Variants in TENT4A observed in about 807,000 individuals in gnomAD.
TENT4A encodes DNA polymerase kappa.
TENT4A carries 7 observed loss-of-function variants against 72.8 expected under a neutral mutation model. That is an observed-to-expected ratio of 0.10 (90% confidence interval 0.05 to 0.18). The LOEUF (loss-of-function observed/expected upper bound fraction) is 0.18. Ranked by LOEUF, TENT4A falls within the 10% of genes least tolerant of loss-of-function variation. The pLI is 1.00. For missense variants in TENT4A, 831 were observed against 1,017.7 expected (o/e 0.82, Z 2.50); for synonymous variants, 456 against 434.3 (o/e 1.05, Z -0.62).
intron 1 of TENT4A, among the ~76,000 whole-genome samples, chr5:6,717,525 C>T (rs1419745050): frequency 6.6e-6 from 1 of 152,246 alleles, no homozygotes; most frequent in Non-Finnish European, 1.5e-5. Context: ...GCCAGTCTGC[C>T]TTCTGCTTCA....
chr5:6,729,980 A>G (rs1741122420), intron 1 of TENT4A, among the ~76,000 whole-genome samples: 1 of 152,122 alleles, frequency 6.6e-6, no homozygotes, highest in Non-Finnish European at 1.5e-5. Flanking sequence ...CTTAGAACCA[A>G]TGCAGATTCC....
At chr5:6,717,405 G>T (rs1740442246) in intron 1 of TENT4A, among the ~76,000 whole-genome samples, 1 of 152,242 alleles carries the variant, frequency 6.6e-6, no homozygotes, top group South Asian at 2.1e-4. Context: ...GCTGAACCCA[G>T]TTGGGTCTTT....
In TENT4A at chr5:6,749,577, A is replaced by G. The variant is rs764081039; in HGVS notation, c.1607A>G (p.Lys536Arg). ...TGCAGTACTTTAGGAAGAATCATCAAAGTAACTCAGGAGGTGATTGACTAC... is the reference window on the plus strand; with the variant it reads ...TGCAGTACTTTAGGAAGAATCATCAGAGTAACTCAGGAGGTGATTGACTAC... ...DAESTLGRII[K>R]VTQEVIDYRR... The change falls in exon 9 of 13, where the codon AAA becomes AGA. Residue 536 changes from lysine (K) to arginine (R), a missense_variant. Physicochemically the swap from Lys to Arg is conservative, Grantham distance 26. This residue lies in a region of TENT4A where 197 missense variants were observed against 399.6 expected (regional missense o/e 0.49). Transcript: ENST00000230859. 2.7e-5 allele frequency: 44 copies of G among 1,612,994 alleles called. No homozygotes were observed. The highest frequency in any genetic ancestry group is 1.7e-5 in the Admixed American group (1 of 59,990).
chr5:6,746,471 C>T lies in TENT4A; in HGVS notation c.1459+44C>T, dbSNP rs767245905. ...CCACTGCTGAGAGCTGGGCCAGCCT[C>T]GGGGACGTGCTGGTGACAGGGCCTG... On this transcript the variant is annotated intron_variant, in intron 7 of 12. Coordinates refer to ENST00000230859, the MANE Select transcript of TENT4A (RefSeq NM_006999.6). 35 of 1,580,886 alleles carry T rather than the reference C, an allele frequency of 2.2e-5. No individual in the cohort carries two copies. In the Middle Eastern group the frequency reaches 5.1e-4, roughly 23 times the overall value.
intron 1 of TENT4A, among the ~76,000 whole-genome samples, chr5:6,724,978 C>T (rs1409568568): frequency 2.6e-5 from 4 of 152,216 alleles, no homozygotes; most frequent in African/African-American, 9.7e-5. Flanking sequence ...TCTCTTTAGC[C>T]ACTGGAAATG....
At chr5:6,716,506 C>A (rs146683590) in intron 1 of TENT4A, among the ~76,000 whole-genome samples, 1 of 152,200 alleles carries the variant, frequency 6.6e-6, no homozygotes, top group Non-Finnish European at 1.5e-5. Context: ...CTCAAGCAGC[C>A]GGAGGTGCCT....
Position 6,752,896 on chromosome 5 carries a change from G to T in TENT4A, c.2043G>T (p.Pro681=). The part of the protein sequence containing the change: ...NNQTRFTIPP[P]TLGVAPVPCR... ...AGACCAGGTTTACTATACCTCCACC[G>T]ACCCTAGGGGTTGCTCCTGTTCCTT... The change falls in exon 12 of 13, where the codon CCG becomes CCT. Residue 681 remains proline, a synonymous_variant. Coordinates refer to ENST00000230859, the MANE Select transcript of TENT4A (RefSeq NM_006999.6). 6.2e-7 allele frequency: 1 copy of T among 1,613,962 alleles called. No individual in the cohort carries two copies. The highest frequency in any genetic ancestry group is 2.2e-5 in the East Asian group (1 of 44,878).
At chr5:6,734,085 A>G (rs1462182910) in intron 1 of TENT4A, among the ~76,000 whole-genome samples, 1 of 152,250 alleles carries the variant, frequency 6.6e-6, no homozygotes, top group Non-Finnish European at 1.5e-5. Context: ...GATTGATTCC[A>G]TGCACAGGCA....
At chr5:6,753,297 G>A (rs960642588) in intron 12 of TENT4A, among the ~76,000 whole-genome samples, 3 of 152,346 alleles carry the variant, frequency 2.0e-5, no homozygotes, top group Middle Eastern at 3.4e-3. Flanking sequence ...TAAAACTGAA[G>A]TTTGAAATAA....
chr5:6,737,317 TTGTTTAG>T (rs1232801519), intron 1 of TENT4A, among the ~76,000 whole-genome samples, 186 bp from the exon 2 acceptor site: 1 of 152,234 alleles, frequency 6.6e-6, no homozygotes. Flanking sequence ...CAAAGTTCAG[TTGTTTAG>T]TGTTGCTAAG....
intron 12 of TENT4A, among the ~76,000 whole-genome samples, chr5:6,754,082 G>A (rs1411055382): frequency 6.6e-6 from 1 of 152,208 alleles, no homozygotes; most frequent in Non-Finnish European, 1.5e-5. Flanking sequence ...AGGCTGCTGA[G>A]GGCGAGAGCG....
At chr5:6,714,995 C>T (rs995462071) in intron 1 of TENT4A, 2 of 191,230 alleles carry the variant, frequency 1.0e-5, no homozygotes, top group Non-Finnish European at 2.1e-5. Flanking sequence ...CTCTCTACCC[C>T]TCCACCCCGC....
intron 1 of TENT4A, among the ~76,000 whole-genome samples, chr5:6,721,430 A>G (rs573794898): frequency 3.9e-5 from 6 of 152,362 alleles, no homozygotes; most frequent in African/African-American, 1.2e-4. Context: ...AGAAAATTCT[A>G]TACTGTATTT....
intron 7 of TENT4A, among the ~76,000 whole-genome samples, chr5:6,747,184 T>A (rs1319113465): frequency 4.6e-5 from 7 of 152,232 alleles, no homozygotes; most frequent in Admixed American, 2.0e-4. Context: ...TTCTTACTGT[T>A]GGTGATAAAA....
intron 4 of TENT4A, 81 bp from the exon 5 acceptor site, chr5:6,742,409 G>C (rs1741851482): frequency 1.1e-6 from 1 of 871,490 alleles, no homozygotes; most frequent in South Asian, 1.4e-5. Flanking sequence ...CCAAACCTCT[G>C]TACAGCTTTG....
chr5:6,726,771 C>T (rs1740942795), intron 1 of TENT4A, among the ~76,000 whole-genome samples: 1 of 152,166 alleles, frequency 6.6e-6, no homozygotes, highest in African/African-American at 2.4e-5. Context: ...CAGGGATGGG[C>T]AGTTGCCTTT....
chr5:6,714,213 G>T lies in TENT4A; in HGVS notation c.230G>T (p.Gly77Val), dbSNP rs1740239404. ...ALPAASPPPP[G>V]PTAPAALPPA... ...CCCGCCGCGTCGCCCCCGCCGCCCG[G>T]CCCCACCGCGCCCGCCGCGCTGCCC... The change falls in exon 1 of 13, where the codon GGC becomes GTC. Residue 77 changes from glycine (G) to valine (V), a missense_variant. Physicochemically the swap from Gly to Val is moderately radical, Grantham distance 109. Around this residue, in one of 3 missense-constraint regions of TENT4A, gnomAD observed 302 missense variants for 293.8 expected, o/e 1.03. Transcript: ENST00000230859. The T allele has an allele frequency of 8.2e-6, 8 of 976,854 alleles. No homozygotes were observed. The highest frequency in any genetic ancestry group is 3.6e-5 in the African/African-American group (2 of 56,162). 60.5% of individuals were successfully genotyped at this position (976,854 alleles called of 1,614,324 possible). A position where few individuals can be genotyped will look rare whatever the true frequency, so the allele number is the denominator to read the frequency against.
At position 6,714,511 on chromosome 5, in the gene TENT4A, C is replaced by T; in HGVS notation, c.528C>T (p.Gly176=). The change falls in exon 1 of 13, where the codon GGC becomes GGT. Residue 176 remains glycine (G), a synonymous_variant. Coordinates refer to ENST00000230859, the MANE Select transcript of TENT4A (RefSeq NM_006999.6). ...HPGPRGPAPA[G]SPSQHQFHPG... ...GGCCGCGCGGCCCCGCGCCCGCCGG[C>T]TCCCCGTCGCAGCACCAGTTCCACC... 8.4e-7 allele frequency: 1 copy of T among 1,189,988 alleles called. No individual in the cohort carries two copies. The allele number at this position is 1,189,988 out of a possible 1,614,324, so 73.7% of individuals were successfully genotyped here. A position where few individuals can be genotyped will look rare whatever the true frequency, so the allele number is the denominator to read the frequency against.
intron 2 of TENT4A, among the ~76,000 whole-genome samples, chr5:6,738,343 A>G (rs1415658665): frequency 1.3e-5 from 2 of 152,182 alleles, no homozygotes. Flanking sequence ...TCAGAGTCCT[A>G]GGACAAAGCC....
Sources: gnomAD v4.1 joint callset for allele counts (sites outside exome capture counted in the v4.1 genomes callset) on GRCh38, gnomAD v4.1.1 for gene constraint, gnomAD v4.1.1 regional missense constraint, MANE v1.5 for transcripts, NCBI Gene and HGNC (gene_info 2026-07-23, HGNC 2026-07-21) for gene names.